SLC25A12: variants seen among roughly 807,000 people sequenced by gnomAD.
SLC25A12 encodes solute carrier family 25 member 12.
SLC25A12 carries 32 observed loss-of-function variants against 83.3 expected under a neutral mutation model. The observed-to-expected ratio is 0.38, with a 90% confidence interval of 0.29 to 0.52. The LOEUF (loss-of-function observed/expected upper bound fraction) is 0.52, where lower values mean the gene tolerates loss of function less well. SLC25A12 is among the 20% of genes least tolerant of loss of function. The pLI, the probability that SLC25A12 is intolerant of heterozygous loss-of-function variation, is 0.84. For synonymous variants in SLC25A12, 267 were observed against 291.1 expected, an observed-to-expected ratio of 0.92 and a Z score of 0.84; for missense variants, 611 against 835.6, an observed-to-expected ratio of 0.73 and a Z score of 3.31.
chr2:171,810,565 C>T (rs1196490552), intron 11 of SLC25A12, among the ~76,000 whole-genome samples: 2 of 152,206 alleles, frequency 1.3e-5, no homozygotes, highest in Non-Finnish European at 2.9e-5. Context: ...GAAACGGAGC[C>T]ATGCGTCTTC....
chr2:171,793,659 G>C lies in SLC25A12; in HGVS notation c.1414C>G (p.Leu472Val). 6.2e-7 allele frequency: 1 copy of C among 1,614,124 alleles called. No individual in the cohort carries two copies. The highest frequency in any genetic ancestry group is 8.5e-7 in the Non-Finnish European group (1 of 1,180,022). The change falls in exon 14 of 18, where the codon CTC (leucine) becomes GTC (valine). Residue 472 changes from leucine to valine, a missense_variant. Physicochemically the swap from Leu to Val is conservative, Grantham distance 32. Coordinates refer to ENST00000422440, the MANE Select transcript of SLC25A12 (RefSeq NM_003705.5). ...AGACCAAAAATTCCCAAGTCCCGGA[G>C]CACATTCAGGGCGCTGACTCTGGGT... ...TGPRVSALNV[L>V]RDLGIFGLYK...
intron 13 of SLC25A12, among the ~76,000 whole-genome samples, chr2:171,802,593 G>C (rs909601393): frequency 5.9e-5 from 9 of 151,966 alleles, no homozygotes; most frequent in Admixed American, 2.6e-4. Flanking sequence ...TGGCTAACAC[G>C]GTGAAACCCC....
intron 2 of SLC25A12, among the ~76,000 whole-genome samples, chr2:171,874,482 GT>G (rs2105922332): frequency 6.6e-6 from 1 of 152,196 alleles, no homozygotes; most frequent in Admixed American, 6.6e-5. Context: ...TTGCTTCTTT[GT>G]TTCATTAACA....
intron 13 of SLC25A12, among the ~76,000 whole-genome samples, chr2:171,805,894 A>G (rs961797077): frequency 1.2e-4 from 19 of 152,218 alleles, no homozygotes; most frequent in African/African-American, 3.6e-4. Flanking sequence ...GGGTTGCTTG[A>G]GCCCAGGAAT....
chr2:171,819,978 C>T (rs1015885600), intron 9 of SLC25A12, among the ~76,000 whole-genome samples: 2 of 152,106 alleles, frequency 1.3e-5, no homozygotes, highest in African/African-American at 2.4e-5. Context: ...AACAGAAAGC[C>T]AAATACCGTA....
intron 2 of SLC25A12, among the ~76,000 whole-genome samples, chr2:171,891,282 G>A (rs1171726840): frequency 6.6e-6 from 1 of 151,692 alleles, no homozygotes; most frequent in East Asian, 1.9e-4. Flanking sequence ...CTGGGCGACA[G>A]AGCGAGACTC....
chr2:171,804,252 C>CTTATTTATATAT (rs1553470431), intron 13 of SLC25A12, among the ~76,000 whole-genome samples: 1 of 150,610 alleles, frequency 6.6e-6, no homozygotes, highest in Non-Finnish European at 1.5e-5. Context: ...ATCATGATTC[C>CTTATTTATATAT]TTATTTATTT....
At chr2:171,850,010 C>T (rs143959714) in intron 4 of SLC25A12, among the ~76,000 whole-genome samples, 2,848 of 151,566 alleles carry the variant, frequency 0.019, 58 homozygotes, top group Admixed American at 0.068. Context: ...CACCATGTTG[C>T]CCAGGCTGGT....
chr2:171,783,778 T>C lies in SLC25A12; in HGVS notation c.*1496A>G, dbSNP rs1690437561. Reference sequence around the variant, plus strand: ...TTGTTCCACTCCCATGAGACCAATCTAATACATTTGAAAATAACTTGCTTT... The same window carrying C: ...TTGTTCCACTCCCATGAGACCAATCCAATACATTTGAAAATAACTTGCTTT... On this transcript the variant is annotated 3_prime_UTR_variant, in exon 18 of 18. Transcript: ENST00000422440. Among the ~76,000 whole-genome samples, 1 of 152,234 alleles carries C rather than the reference T, an allele frequency of 6.6e-6. No homozygotes were observed. Among genetic ancestry groups the C allele is most frequent in the South Asian group, 2.1e-4 (1 of 4,830 alleles).
intron 8 of SLC25A12, among the ~76,000 whole-genome samples, chr2:171,830,077 A>G (rs185163242): frequency 1.5e-4 from 23 of 152,340 alleles, no homozygotes; most frequent in Middle Eastern, 3.4e-3. Context: ...TTTAGAAAAT[A>G]TACCAATCTG....
At chr2:171,833,314 A>C (rs1190863572) in intron 8 of SLC25A12, among the ~76,000 whole-genome samples, 1 of 152,190 alleles carries the variant, frequency 6.6e-6, no homozygotes, top group Non-Finnish European at 1.5e-5. Context: ...AGATTTATGA[A>C]GATCACGTCT....
intron 15 of SLC25A12, among the ~76,000 whole-genome samples, chr2:171,789,976 C>G (rs1258645578): frequency 6.6e-6 from 1 of 152,002 alleles, no homozygotes; most frequent in Non-Finnish European, 1.5e-5. Context: ...GAGCAGGTAA[C>G]TTTACTGGCT....
Position 171,815,116 on chromosome 2 carries a change from C to T in SLC25A12, c.1012+5G>A. ...CCTCAAACAGCACACAGACATGTCA[C>T]TCACCTCCAGCAACTGAGCCCAGAG... On this transcript the variant is annotated splice_donor_5th_base_variant and intron_variant, in intron 10 of 17. Transcript: ENST00000422440. The T allele has an allele frequency of 6.2e-7, 1 of 1,611,964 alleles. No homozygotes were observed. Among genetic ancestry groups the T allele is most frequent in the East Asian group, 2.2e-5 (1 of 44,864 alleles).
At chr2:171,810,861 C>T (rs532598094) in intron 11 of SLC25A12, among the ~76,000 whole-genome samples, 7 of 152,276 alleles carry the variant, frequency 4.6e-5, no homozygotes, top group Non-Finnish European at 8.8e-5. Context: ...TATTGTTTAA[C>T]GAGTATCTCC....
intron 9 of SLC25A12, among the ~76,000 whole-genome samples, chr2:171,823,362 C>T (rs1684232981): frequency 1.3e-5 from 2 of 152,178 alleles, no homozygotes; most frequent in Non-Finnish European, 2.9e-5. Flanking sequence ...CTCAGAAATA[C>T]ATGAAGATAC....
chr2:171,826,647 G>A, intron 9 of SLC25A12, 151 bp downstream of exon 9: 1 of 653,714 alleles, frequency 1.5e-6, no homozygotes, highest in Non-Finnish European at 2.8e-6. Flanking sequence ...GGGGGTAACA[G>A]TAGTTCTATA....
chr2:171,813,837 C>T (rs1683995452), intron 10 of SLC25A12, among the ~76,000 whole-genome samples: 1 of 152,162 alleles, frequency 6.6e-6, no homozygotes, highest in African/African-American at 2.4e-5. Context: ...TTATGTATAA[C>T]ATTTATTTAT....
chr2:171,835,256 C>T (rs1573970367), intron 6 of SLC25A12, among the ~76,000 whole-genome samples: 1 of 152,182 alleles, frequency 6.6e-6, no homozygotes, highest in Admixed American at 6.5e-5. Context: ...CACTTTTTAA[C>T]CTTGTTTTTT....
intron 6 of SLC25A12, 38 bp downstream of exon 6, chr2:171,837,083 G>T (rs1403609042): frequency 1.9e-6 from 3 of 1,608,514 alleles, no homozygotes; most frequent in Non-Finnish European, 2.6e-6. Context: ...CAAAAGGTTT[G>T]AGGAAATAGA....
Sources: allele counts gnomAD v4.1 joint callset (sites outside exome capture counted in the v4.1 genomes callset), GRCh38; gene constraint gnomAD v4.1.1; transcripts MANE v1.5; gene names NCBI Gene and HGNC (gene_info 2026-07-23, HGNC 2026-07-21).